Variants in DPYSL5 observed in about 807,000 individuals in gnomAD.
The protein encoded by DPYSL5 is dihydropyrimidinase like 5.
In DPYSL5, 9 loss-of-function variants were observed where a neutral mutation model predicts 58.4. That is an observed-to-expected ratio of 0.15 (90% confidence interval 0.09 to 0.27). The LOEUF is 0.27. DPYSL5 is among the 10% of genes least tolerant of loss of function. The pLI, the probability that DPYSL5 is intolerant of heterozygous loss-of-function variation, is 1.00. For missense variants in DPYSL5, 499 were observed against 770.6 expected, an observed-to-expected ratio of 0.65 and a Z score of 4.17; for synonymous variants, 293 against 301.9, an observed-to-expected ratio of 0.97 and a Z score of 0.31.
chr2:26,892,583 T>A (rs1663909129), intron 1 of DPYSL5, among the ~76,000 whole-genome samples: 1 of 151,902 alleles, frequency 6.6e-6, no homozygotes, highest in African/African-American at 2.4e-5. Flanking sequence ...GCACCTGTAG[T>A]CTCAGTTACT....
intron 1 of DPYSL5, among the ~76,000 whole-genome samples, chr2:26,890,034 G>A (rs112410701): frequency 2.7e-3 from 404 of 152,278 alleles, no homozygotes; most frequent in African/African-American, 9.3e-3. Context: ...TACTTGGAAG[G>A]GTAGGAATGT....
rs183546306 is a variant in DPYSL5, at chr2:26,942,845, A to G, written c.1440+95A>G. On this transcript the variant is annotated intron_variant, in intron 11 of 12. Coordinates refer to ENST00000288699, the MANE Select transcript of DPYSL5 (RefSeq NM_020134.4). The surrounding 1 kb of genome is among the most constrained non-coding windows in gnomAD (Gnocchi z 5.9). Reference sequence around the variant, plus strand: ...TAAATCTCAAAGAGATGTTCACTCCAGTTTTCGACCCAATTCCATTGCACT... The same window carrying G: ...TAAATCTCAAAGAGATGTTCACTCCGGTTTTCGACCCAATTCCATTGCACT... 44 of 1,406,498 alleles carry G rather than the reference A, an allele frequency of 3.1e-5. No homozygotes were observed. The Admixed American group carries it at 8.3e-4, about 26-fold the overall frequency. The allele number at this position is 1,406,498 out of a possible 1,614,324, so 87.1% of individuals were successfully genotyped here.
chr2:26,888,536 T>G (rs1286984945), intron 1 of DPYSL5, among the ~76,000 whole-genome samples: 1 of 152,118 alleles, frequency 6.6e-6, no homozygotes, highest in African/African-American at 2.4e-5. Flanking sequence ...CCTCCCAAAG[T>G]GCTGGGATTA....
In DPYSL5 at chr2:26,905,114, T is replaced by C. The variant is rs1427994845; in HGVS notation, c.261+6354T>C. Reference sequence around the variant, plus strand: ...GCTATTCTGTGGCCCCAAATTTTGCTGGACCAGATGAGGGTGTCTCAGAAT... The same window carrying C: ...GCTATTCTGTGGCCCCAAATTTTGCCGGACCAGATGAGGGTGTCTCAGAAT... On this transcript the variant is annotated intron_variant, in intron 2 of 12. Transcript: ENST00000288699. This position sits in a 1 kb window ranked among gnomAD's most constrained non-coding sequence, Gnocchi z 4.0. Among the ~76,000 whole-genome samples the C allele has an allele frequency of 6.6e-6, 1 of 152,166 alleles. No homozygotes were observed. Among genetic ancestry groups the C allele is most frequent in the Admixed American group, 6.5e-5 (1 of 15,280 alleles).
intron 1 of DPYSL5, among the ~76,000 whole-genome samples, chr2:26,879,606 C>T (rs759775058): frequency 5.3e-5 from 8 of 152,162 alleles, no homozygotes; most frequent in Non-Finnish European, 1.0e-4. Flanking sequence ...TATGGACCTC[C>T]AAGGCCAGCT....
chr2:26,872,006 A>T (rs947236220), intron 1 of DPYSL5, among the ~76,000 whole-genome samples: 2 of 152,232 alleles, frequency 1.3e-5, no homozygotes, highest in African/African-American at 4.8e-5. Context: ...TAGAAGATAC[A>T]CACCCACCAG....
rs992477487 is a variant in DPYSL5, at chr2:26,934,206, C to T, written c.791-372C>T. On this transcript the variant is annotated intron_variant, in intron 7 of 12. Coordinates refer to ENST00000288699, the MANE Select transcript of DPYSL5 (RefSeq NM_020134.4). This position sits in a 1 kb window ranked among gnomAD's most constrained non-coding sequence, Gnocchi z 4.3. ...TCACAGCAACTGCCTGTCCAGAAAA[C>T]AGTCTAGACTGCTCTTTAGCGTGGC... 2.0e-5 allele frequency among the ~76,000 whole-genome samples: 3 copies of T among 152,196 alleles called. No individual in the cohort carries two copies. The highest frequency in any genetic ancestry group is 4.4e-5 in the Non-Finnish European group (3 of 68,038).
At chr2:26,940,237 A>G (rs1665281457) in intron 9 of DPYSL5, 65 bp downstream of exon 9, 2 of 1,580,336 alleles carry the variant, frequency 1.3e-6, no homozygotes, top group African/African-American at 2.7e-5. Context: ...TCCCCGTTCT[A>G]ATCCCAATAA....
intron 2 of DPYSL5, among the ~76,000 whole-genome samples, chr2:26,911,894 C>A (rs1664449164): frequency 6.6e-6 from 1 of 152,206 alleles, no homozygotes; most frequent in African/African-American, 2.4e-5. Context: ...AATCTCAAAG[C>A]CCTAGACTTA....
chr2:26,943,254 A>G (rs1391545755), intron 11 of DPYSL5, among the ~76,000 whole-genome samples: 7 of 152,094 alleles, frequency 4.6e-5, no homozygotes, highest in Non-Finnish European at 1.0e-4. Context: ...CAGAGCTTTC[A>G]GAGAAACCAA....
intron 1 of DPYSL5, among the ~76,000 whole-genome samples, chr2:26,890,020 A>C (rs1433309085): frequency 6.6e-6 from 1 of 152,196 alleles, no homozygotes. Context: ...TTGGGGACTT[A>C]GGCTACTTGG....
Position 26,928,270 on chromosome 2 carries a change from C to G in DPYSL5, c.616C>G (p.Leu206Val). 1.2e-6 allele frequency: 2 copies of G among 1,613,982 alleles called. No individual in the cohort carries two copies. The highest frequency in any genetic ancestry group is 1.7e-6 in the Non-Finnish European group (2 of 1,179,948). ...ELVAEGAKEA[L>V]DLGITGPEGI... ...TGTTATCCAGGGTGCTAAGGAGGCA[C>G]TGGATTTGGGGATCACAGGCCCAGA... The change falls in exon 5 of 13, where the codon CTG (leucine) becomes GTG (valine). Residue 206 changes from leucine to valine, a missense_variant. By Grantham distance (32) the Leu-to-Val change is conservative (BLOSUM62 1). This residue lies in a region of DPYSL5 where 404 missense variants were observed against 647.6 expected (regional missense o/e 0.62). Coordinates refer to ENST00000288699, the MANE Select transcript of DPYSL5 (RefSeq NM_020134.4).
At chr2:26,879,909 G>A (rs827883) in intron 1 of DPYSL5, among the ~76,000 whole-genome samples, 1,907 of 152,146 alleles carry the variant, frequency 0.013, 43 homozygotes, top group African/African-American at 0.043. Flanking sequence ...TGTTGTTGTT[G>A]AGACAGGGTC....
intron 1 of DPYSL5, among the ~76,000 whole-genome samples, chr2:26,895,983 T>C (rs887487988): frequency 6.6e-6 from 1 of 151,896 alleles, no homozygotes; most frequent in Admixed American, 6.6e-5. Flanking sequence ...TTTCACTATC[T>C]TGGGCAGGCT....
chr2:26,922,831 C>T (rs1319159524), intron 2 of DPYSL5, among the ~76,000 whole-genome samples: 2 of 152,210 alleles, frequency 1.3e-5, no homozygotes, highest in East Asian at 3.9e-4. Context: ...CTGCACTGCT[C>T]TCCTTCTCCC....
rs1664835421 is a variant in DPYSL5, at chr2:26,926,641, A to G, written c.421-612A>G. Among the ~76,000 whole-genome samples, 3 of 152,290 alleles carry G rather than the reference A, an allele frequency of 2.0e-5. No individual in the cohort carries two copies. The South Asian group carries it at 6.2e-4, about 32-fold the overall frequency. Reference sequence around the variant, plus strand: ...CTTTCACAGAGTAGCTATTTTGCATAGGTGTGAGCATTTTCTATTTTGCCA... The same window carrying G: ...CTTTCACAGAGTAGCTATTTTGCATGGGTGTGAGCATTTTCTATTTTGCCA... On this transcript the variant is annotated intron_variant, in intron 3 of 12. Coordinates refer to ENST00000288699, the MANE Select transcript of DPYSL5 (RefSeq NM_020134.4).
chr2:26,889,128 A>G (rs900341137), intron 1 of DPYSL5, among the ~76,000 whole-genome samples: 1 of 152,154 alleles, frequency 6.6e-6, no homozygotes, highest in African/African-American at 2.4e-5. Flanking sequence ...ATGGGACACA[A>G]ACATTCCATT....
At position 26,941,985 on chromosome 2, in the gene DPYSL5, C is replaced by T. The variant is rs973459018; in HGVS notation, c.1125C>T (p.Ala375=). 1.7e-5 allele frequency: 28 copies of T among 1,614,036 alleles called. No homozygotes were observed. Among genetic ancestry groups the T allele is most frequent in the East Asian group, 2.2e-5 (1 of 44,890 alleles). Residue 375 remains alanine (A), a synonymous_variant, in exon 10 of 13, where the codon GCC becomes GCT. Transcript: ENST00000288699. ...AGATGGATGAGAACCGTTTTGTGGC[C>T]GTTACCAGTTCCAACGCAGCTAAGC... The part of the protein sequence containing the change: ...GGKMDENRFV[A]VTSSNAAKLL...
chr2:26,848,022 G>T (rs1212456033), upstream of DPYSL5: 1 of 152,030 alleles, frequency 6.6e-6, no homozygotes, highest in African/African-American at 2.4e-5. Context: ...TAGCTGAGGT[G>T]GGGAGCGGCG....
Sources: allele counts gnomAD v4.1 joint callset (sites outside exome capture counted in the v4.1 genomes callset), GRCh38; gene constraint gnomAD v4.1.1; regional missense constraint gnomAD v4.1.1; non-coding constraint Gnocchi (gnomAD v3.1); transcripts MANE v1.5; gene names NCBI Gene and HGNC (gene_info 2026-07-23, HGNC 2026-07-21).